Variants in RNF103 observed in about 807,000 individuals in gnomAD.
RNF103 encodes the protein E3 ubiquitin-protein ligase RNF103.
A neutral mutation model predicts 66.2 loss-of-function variants in RNF103; 23 were observed. The ratio of observed to expected loss-of-function variants is 0.35; its 90% CI spans 0.25 to 0.49. RNF103 has a LOEUF of 0.49. Ranked by LOEUF, RNF103 falls within the 20% of genes least tolerant of loss-of-function variation. The pLI is 0.98. For missense variants in RNF103, 730 were observed against 814.7 expected (o/e 0.90, Z 1.27); for synonymous variants, 297 against 289.9 (o/e 1.02, Z -0.25).
At chr2:86,605,514 A>G (rs367692850) in intron 3 of RNF103, 96 bp from the exon 4 acceptor site, 1 of 1,293,266 alleles carries the variant, frequency 7.7e-7, no homozygotes, top group Middle Eastern at 2.0e-4. Flanking sequence ...CCAAAGCCAA[A>G]TAATTTCCAA....
intron 3 of RNF103, among the ~76,000 whole-genome samples, chr2:86,611,322 A>G (rs1678783349): frequency 6.6e-6 from 1 of 152,198 alleles, no homozygotes. Context: ...TCTACCATCC[A>G]TCTCACCCTA....
intron 1 of RNF103, among the ~76,000 whole-genome samples, chr2:86,621,633 C>G (rs975806756): frequency 1.3e-5 from 2 of 152,106 alleles, no homozygotes; most frequent in Middle Eastern, 3.2e-3. Flanking sequence ...AAACTGCTAG[C>G]GAGCTCATAC....
intron 3 of RNF103, among the ~76,000 whole-genome samples, chr2:86,605,929 T>C (rs1430464644): frequency 1.3e-5 from 2 of 152,142 alleles, no homozygotes; most frequent in African/African-American, 4.8e-5. Flanking sequence ...GAAAACAGAT[T>C]ATCCTAAGGC....
chr2:86,615,163 G>C (rs964740982), intron 2 of RNF103: 4 of 985,204 alleles, frequency 4.1e-6, no homozygotes, highest in Non-Finnish European at 4.8e-6. Context: ...ACCTGGGGCA[G>C]GTACAAGACA....
chr2:86,622,944 G>T lies in RNF103; in HGVS notation c.-58C>A. ...TCGGAATACGGGAGAGAGAAGGGTCGAGGGCGGGGGCCGCGGCTCGGTGGC... is the reference window on the plus strand; with the variant it reads ...TCGGAATACGGGAGAGAGAAGGGTCTAGGGCGGGGGCCGCGGCTCGGTGGC... On this transcript the variant is annotated 5_prime_UTR_variant, in exon 1 of 4. Coordinates refer to ENST00000237455, the MANE Select transcript of RNF103 (RefSeq NM_005667.4). The T allele has an allele frequency of 6.6e-7, 1 of 1,515,312 alleles. No individual in the cohort carries two copies. Among genetic ancestry groups the T allele is most frequent in the Non-Finnish European group, 8.9e-7 (1 of 1,129,616 alleles). The allele number at this position is 1,515,312 out of a possible 1,614,324, so 93.9% of individuals were successfully genotyped here.
In RNF103 at chr2:86,604,177, G is replaced by A. The variant is rs372592911; in HGVS notation, c.1724C>T (p.Ala575Val). The A allele has an allele frequency of 1.9e-6, 3 of 1,613,658 alleles. No individual in the cohort carries two copies. The highest frequency in any genetic ancestry group is 2.2e-5 in the South Asian group (2 of 91,086). Reference sequence around the variant, plus strand: ...ACAATATTTATTGGCACATGAACAAGCCTCAGCATCACAGTGACTTGCTGT... The same window carrying A: ...ACAATATTTATTGGCACATGAACAAACCTCAGCATCACAGTGACTTGCTGT... ...PGTASHCDAE[A>V]CSCANKYCQT... The change falls in exon 4 of 4, where the codon GCT becomes GTT. Residue 575 changes from alanine (A) to valine (V), a missense_variant. Coordinates refer to ENST00000237455, the MANE Select transcript of RNF103 (RefSeq NM_005667.4).
At chr2:86,617,997 G>A in intron 2 of RNF103, 1 of 469,240 alleles carries the variant, frequency 2.1e-6, no homozygotes, top group Non-Finnish European at 4.2e-6. Flanking sequence ...GGTGGTCAAT[G>A]CAAACCTTGA....
At chr2:86,613,711 G>C (rs1264198215) in intron 2 of RNF103, 2 of 152,094 alleles carry the variant, frequency 1.3e-5, no homozygotes, top group East Asian at 3.9e-4. Context: ...TGGCCTCTGT[G>C]CTAGAACGTC....
Position 86,605,035 on chromosome 2 carries a change from A to C in RNF103, c.866T>G (p.Ile289Arg). Residue 289 changes from isoleucine (I) to arginine (R), a missense_variant, in exon 4 of 4, where the codon ATA (isoleucine) becomes AGA (arginine). By Grantham distance (97) the Ile-to-Arg change is moderately conservative. This residue lies in a region of RNF103 where 327 missense variants were observed against 369.8 expected (regional missense o/e 0.88). Coordinates refer to ENST00000237455, the MANE Select transcript of RNF103 (RefSeq NM_005667.4). ...DIGIYNMPSY[I>R]LRTPEGIYRY... ...GTAAATTCCTTCAGGAGTTCTAAGT[A>C]TGTATGATGGCATATTATATATGCC... 6.2e-7 allele frequency: 1 copy of C among 1,614,140 alleles called. No homozygotes were observed. Among genetic ancestry groups the C allele is most frequent in the Non-Finnish European group, 8.5e-7 (1 of 1,180,024 alleles).
chr2:86,605,236 T>A lies in RNF103; in HGVS notation c.665A>T (p.His222Leu). The A allele has an allele frequency of 1.2e-6, 2 of 1,614,150 alleles. No individual in the cohort carries two copies. The highest frequency in any genetic ancestry group is 8.5e-7 in the Non-Finnish European group (1 of 1,180,026). ...SRIKTIYNAE[H>L]LKEEWNKSDQ... is the part of the protein sequence containing the mutation. ...ACTTTTATTCCATTCTTCTTTCAAG[T>A]GTTCAGCATTATAAATGGTTTTGAT... Residue 222 changes from histidine (H) to leucine (L), a missense_variant, in exon 4 of 4, where the codon CAC becomes CTC. By Grantham distance (99) the His-to-Leu change is moderately conservative. Coordinates refer to ENST00000237455, the MANE Select transcript of RNF103 (RefSeq NM_005667.4).
At chr2:86,620,285 T>G (rs1558688943) in intron 2 of RNF103, 45 bp downstream of exon 2, 2 of 1,530,974 alleles carry the variant, frequency 1.3e-6, no homozygotes, top group East Asian at 4.5e-5. Flanking sequence ...TAAAAATAAT[T>G]TTTTTAGGGC....
chr2:86,616,369 G>T, intron 2 of RNF103: 1 of 537,466 alleles, frequency 1.9e-6, no homozygotes, highest in Non-Finnish European at 2.4e-6. Flanking sequence ...AGCCAACCTA[G>T]TATATACATG....
At chr2:86,606,492 A>G (rs569966937) in intron 3 of RNF103, among the ~76,000 whole-genome samples, 8 of 152,108 alleles carry the variant, frequency 5.3e-5, no homozygotes, top group Non-Finnish European at 8.8e-5. Context: ...GTGAAACCCC[A>G]TCTCTACCAA....
At chr2:86,610,861 T>C (rs113870561) in intron 3 of RNF103, among the ~76,000 whole-genome samples, 2,388 of 152,298 alleles carry the variant, frequency 0.016, 31 homozygotes, top group Middle Eastern at 0.041. Flanking sequence ...CCTAAGTCTT[T>C]GGTAAATGAC....
At chr2:86,619,576 T>C (rs368802156) in intron 2 of RNF103, among the ~76,000 whole-genome samples, 1 of 152,244 alleles carries the variant, frequency 6.6e-6, no homozygotes, top group African/African-American at 2.4e-5. Context: ...TCACTTTGAA[T>C]GTACAGTTTT....
Position 86,623,838 on chromosome 2 carries a change from G to A in RNF103, c.-952C>T, listed in dbSNP as rs752146142. 3.1e-6 allele frequency: 4 copies of A among 1,288,038 alleles called. No homozygotes were observed. In the South Asian group the frequency reaches 4.9e-5, roughly 16 times the overall value. The allele number at this position is 1,288,038 out of a possible 1,614,324, so 79.8% of individuals were successfully genotyped here. The stretch of plus-strand genomic sequence containing the variant: ...TACCCTCCACAACCGTGTATCAGCG[G>A]CGGCCGCGGCCGGAGCCGAGACATA... On this transcript the variant is annotated 5_prime_UTR_variant, in exon 1 of 4. Coordinates refer to ENST00000237455, the MANE Select transcript of RNF103 (RefSeq NM_005667.4).
At position 86,620,464 on chromosome 2, in the gene RNF103, A is replaced by G; in HGVS notation, c.232T>C (p.Leu78=). ...VRELVEKSGD[L]MEGELYSALK... is the part of the protein sequence containing the mutation. ...GCAGAATAGAGCTCACCCTCCATCA[A>G]GTCACCTGAAGAAAGGAAAAGAATA... The change falls in exon 2 of 4, where the codon TTG becomes CTG. Residue 78 remains leucine (L), a synonymous_variant. Coordinates refer to ENST00000237455, the MANE Select transcript of RNF103 (RefSeq NM_005667.4). The G allele has an allele frequency of 1.9e-6, 3 of 1,572,014 alleles. No individual in the cohort carries two copies. Among genetic ancestry groups the G allele is most frequent in the Non-Finnish European group, 2.6e-6 (3 of 1,152,426 alleles).
chr2:86,606,431 A>G (rs902333076), intron 3 of RNF103, among the ~76,000 whole-genome samples: 3 of 152,088 alleles, frequency 2.0e-5, no homozygotes, highest in Admixed American at 2.0e-4. Context: ...TTGGGAGGCC[A>G]AGGTGGGCAG....
chr2:86,618,223 G>C (rs1033919607), intron 2 of RNF103: 4 of 245,836 alleles, frequency 1.6e-5, no homozygotes, highest in African/African-American at 4.6e-5. Context: ...CACCTTACCA[G>C]AGAATTCCTT....
Sources: allele counts gnomAD v4.1 joint callset (sites outside exome capture counted in the v4.1 genomes callset), GRCh38; gene constraint gnomAD v4.1.1; regional missense constraint gnomAD v4.1.1; transcripts MANE v1.5; gene names NCBI Gene and HGNC (gene_info 2026-07-23, HGNC 2026-07-21).